The following COL24A1 variants were observed in gnomAD, a reference collection of about 807,000 sequenced individuals.
COL24A1 encodes collagen type XXIV alpha 1 chain, also known as collagen alpha-1(XXIV) chain.
In COL24A1, 224 loss-of-function variants were observed where a neutral mutation model predicts 253.9. That is an observed-to-expected ratio of 0.88 (90% CI 0.79 to 0.99). The LOEUF is 0.99. Ranked by LOEUF, COL24A1 falls within the 50% of genes least tolerant of loss-of-function variation. The pLI is 0.00. For synonymous variants in COL24A1, 685 were observed against 673.7 expected (o/e 1.02, Z -0.26); for missense variants, 2,131 against 2,068.5 (o/e 1.03, Z -0.59).
intron 5 of COL24A1, among the ~76,000 whole-genome samples, chr1:86,105,364 AG>A (rs1307691285): frequency 2.0e-5 from 3 of 152,186 alleles, no homozygotes; most frequent in Admixed American, 1.3e-4. Context: ...CAGTGAGGGA[AG>A]GAACAGGTCA....
chr1:85,799,809 G>T (rs963159628), intron 47 of COL24A1, among the ~76,000 whole-genome samples: 1 of 152,322 alleles, frequency 6.6e-6, no homozygotes, highest in South Asian at 2.1e-4. Context: ...AAGTATGCAT[G>T]TAAAATTTGT....
intron 20 of COL24A1, among the ~76,000 whole-genome samples, chr1:85,986,822 A>C (rs1326016561): frequency 6.6e-6 from 1 of 151,818 alleles, no homozygotes; most frequent in Non-Finnish European, 1.5e-5. Flanking sequence ...ATACCTCCAT[A>C]GCAGCTACAT....
chr1:85,743,094 C>G (rs562424072), intron 57 of COL24A1, among the ~76,000 whole-genome samples: 81 of 152,206 alleles, frequency 5.3e-4, no homozygotes, highest in Middle Eastern at 6.8e-3. Context: ...TTTTAAAAAT[C>G]TGAGCCAAAT....
intron 5 of COL24A1, 92 bp downstream of exon 5, chr1:86,112,475 G>C: frequency 9.0e-7 from 1 of 1,113,586 alleles, no homozygotes; most frequent in Non-Finnish European, 1.3e-6. Context: ...GATGTATCAA[G>C]ACTTGCCTTA....
At chr1:86,015,883 CTT>C (rs34005326) in intron 19 of COL24A1, among the ~76,000 whole-genome samples, 11 of 136,224 alleles carry the variant, frequency 8.1e-5, no homozygotes, top group Non-Finnish European at 9.7e-5. Context: ...TCTACTTTTT[CTT>C]TTTTTTTTTT....
At chr1:85,858,782 C>A (rs776871126) in intron 37 of COL24A1, among the ~76,000 whole-genome samples, 1 of 151,202 alleles carries the variant, frequency 6.6e-6, no homozygotes, top group Non-Finnish European at 1.5e-5. Flanking sequence ...GCTTTGTCAC[C>A]TACGCTGGAG....
At chr1:85,852,865 G>A (rs1677939716) in intron 37 of COL24A1, among the ~76,000 whole-genome samples, 1 of 152,098 alleles carries the variant, frequency 6.6e-6, no homozygotes, top group South Asian at 2.1e-4. Context: ...GCCCAGGCGG[G>A]ACTTGAACTC....
chr1:85,849,715 G>A (rs1677540984), intron 37 of COL24A1, among the ~76,000 whole-genome samples: 1 of 152,142 alleles, frequency 6.6e-6, no homozygotes, highest in Admixed American at 6.6e-5. Context: ...TGTAATTAAA[G>A]TTAACCCATG....
rs1653612408 is a variant in COL24A1 at position 86,156,346 on chromosome 1, T to G, written c.51A>C (p.Ala17=). 5 of 1,612,918 alleles carry G rather than the reference T, an allele frequency of 3.1e-6. No homozygotes were observed. Among genetic ancestry groups the G allele is most frequent in the Non-Finnish European group, 4.2e-6 (5 of 1,179,484 alleles). ...RTRRGKVSPT[A]KTKSLLHFIV... is the part of the protein sequence containing the mutation. ...CCGGCGGGTGGGCTACTTACGTTTT[T>G]GCCGTGGGGGAGACTTTTCCACGCC... Residue 17 remains alanine, a synonymous_variant, in exon 1 of 60, where the codon GCA becomes GCC. Transcript: ENST00000370571.
chr1:85,849,436 A>C, intron 37 of COL24A1, 30 bp from the exon 38 acceptor site: 1 of 1,548,598 alleles, frequency 6.5e-7, no homozygotes, highest in Non-Finnish European at 8.9e-7. Context: ...AAAGGAAATA[A>C]ATGGTTAAAG....
chr1:86,118,338 C>T (rs999737746), intron 3 of COL24A1, among the ~76,000 whole-genome samples: 1 of 152,172 alleles, frequency 6.6e-6, no homozygotes, highest in Non-Finnish European at 1.5e-5. Context: ...GCTGGGATTA[C>T]AGGCGTGAGC....
chr1:85,875,390 G>A lies in COL24A1; in HGVS notation c.3031-60C>T. On this transcript the variant is annotated intron_variant, in intron 33 of 59. Transcript: ENST00000370571. ...ATAGCAATCTCATGAGAAGATGGTG[G>A]TAACACTGAACTCAAGGGTGAGATA... 3 of 1,370,812 alleles carry A rather than the reference G, an allele frequency of 2.2e-6. No individual in the cohort carries two copies. The Admixed American group carries it at 5.1e-5, about 23-fold the overall frequency. The allele number at this position is 1,370,812 out of a possible 1,614,324, so 84.9% of individuals were successfully genotyped here. A position where few individuals can be genotyped will look rare whatever the true frequency, so the allele number is the denominator to read the frequency against.
At chr1:85,798,042 C>T (rs1266020497) in intron 47 of COL24A1, among the ~76,000 whole-genome samples, 17 of 151,678 alleles carry the variant, frequency 1.1e-4, no homozygotes, top group Admixed American at 2.6e-4. Flanking sequence ...AAATAAAAAA[C>T]AATAAATTAC....
intron 20 of COL24A1, among the ~76,000 whole-genome samples, chr1:85,973,648 T>C (rs1359864016): frequency 6.6e-6 from 1 of 152,012 alleles, no homozygotes; most frequent in Non-Finnish European, 1.5e-5. Flanking sequence ...ATAGCCAGAG[T>C]GTAACCTGCA....
At chr1:86,072,196 G>A (rs1450303729) in intron 7 of COL24A1, among the ~76,000 whole-genome samples, 1 of 152,164 alleles carries the variant, frequency 6.6e-6, no homozygotes, top group Non-Finnish European at 1.5e-5. Context: ...TGAAGCCAGG[G>A]AGCCAAGTGG....
intron 24 of COL24A1, among the ~76,000 whole-genome samples, chr1:85,958,907 T>A (rs1690747823): frequency 6.6e-6 from 1 of 152,122 alleles, no homozygotes. Context: ...TATAAATAAT[T>A]GCAAGAGGTA....
At chr1:86,113,670 C>T (rs1028487830) in intron 4 of COL24A1, among the ~76,000 whole-genome samples, 1 of 151,278 alleles carries the variant, frequency 6.6e-6, no homozygotes, top group South Asian at 2.1e-4. Flanking sequence ...CTCATCACTA[C>T]CAAAAATCAA....
At chr1:85,924,140 T>C (rs1410707604) in intron 24 of COL24A1, among the ~76,000 whole-genome samples, 1 of 152,082 alleles carries the variant, frequency 6.6e-6, no homozygotes, top group Non-Finnish European at 1.5e-5. Flanking sequence ...AATCTGTAAA[T>C]AGGCCAATAA....
intron 19 of COL24A1, among the ~76,000 whole-genome samples, chr1:85,998,821 T>C (rs1032247537): frequency 6.6e-6 from 1 of 152,214 alleles, no homozygotes; most frequent in African/African-American, 2.4e-5. Context: ...CTACCGCATA[T>C]GCAAGTATCA....
Sources: gnomAD v4.1 joint callset for allele counts (sites outside exome capture counted in the v4.1 genomes callset) on GRCh38, gnomAD v4.1.1 for gene constraint, MANE v1.5 for transcripts, NCBI Gene and HGNC (gene_info 2026-07-23, HGNC 2026-07-21) for gene names.